SEC14L5: variants seen among roughly 807,000 people sequenced by gnomAD.
The protein encoded by SEC14L5 is SEC14-like protein 5.
In SEC14L5, 96 loss-of-function variants were observed where a neutral mutation model predicts 84.6. The observed-to-expected ratio is 1.13, with a 90% CI of 0.96 to 1.34. The LOEUF is 1.34. SEC14L5 is among the 40% of genes most tolerant of loss of function. SEC14L5 has a pLI of 0.00. For synonymous variants in SEC14L5, 546 were observed against 383.4 expected (o/e 1.42, Z -4.95); for missense variants, 1,224 against 942.5 (o/e 1.30, Z -3.91).
At position 5,008,641 on chromosome 16, in the gene SEC14L5, G is replaced by T. The variant is rs2142531529; in HGVS notation, c.1793G>T (p.Ser598Ile). ...CCCCTTGTCTGCCGGGAGGGGGAGA[G>T]CATCCAGGTTTGCATTTTCTGGACC... ...EAPLVCREGE[S>I]IQGSHVTRWP... The change falls in exon 14 of 16, where the codon AGC becomes ATC. Residue 598 changes from serine to isoleucine, a missense_variant. Coordinates refer to ENST00000251170, the MANE Select transcript of SEC14L5 (RefSeq NM_014692.2). 6.2e-7 allele frequency: 1 copy of T among 1,607,520 alleles called. No individual in the cohort carries two copies. Among genetic ancestry groups the T allele is most frequent in the Non-Finnish European group, 8.5e-7 (1 of 1,178,196 alleles).
rs1342634939 is a variant in SEC14L5 at position 5,007,370 on chromosome 16, G to C, written c.1456G>C (p.Gly486Arg). Residue 486 changes from glycine to arginine, a missense_variant, in exon 13 of 16, where the codon GGG becomes CGG. Coordinates refer to ENST00000251170, the MANE Select transcript of SEC14L5 (RefSeq NM_014692.2). ...GESVCNVPEG[G>R]LVPKSLYMTE... ...CCTGCAGTGTAATGTCCCCGAAGGA[G>C]GGCTGGTCCCCAAGTCCCTCTACAT... 1.9e-6 allele frequency: 3 copies of C among 1,613,768 alleles called. No individual in the cohort carries two copies. The highest frequency in any genetic ancestry group is 2.2e-5 in the East Asian group (1 of 44,876).
intron 3 of SEC14L5, 53 bp downstream of exon 3, chr16:4,987,759 G>T (rs1240343541): frequency 7.4e-7 from 1 of 1,354,296 alleles, no homozygotes; most frequent in African/African-American, 1.5e-5. Context: ...GCGGAGGTGC[G>T]GGAGGGCTGG....
At chr16:5,007,319 C>T (rs1596643388) in intron 12 of SEC14L5, 33 bp from the exon 13 acceptor site, 2 of 1,608,544 alleles carry the variant, frequency 1.2e-6, no homozygotes, top group Non-Finnish European at 1.7e-6. Flanking sequence ...CTCAACTGGC[C>T]CTGACCTGCT....
In SEC14L5 at chr16:5,015,129, G is replaced by T; in HGVS notation, c.*159G>T. The stretch of plus-strand genomic sequence containing the variant: ...GTCTGGAGCGGATGGCAAGGATCCA[G>T]AACTGGCCTGTGGGTGGTGTCAGGG... On this transcript the variant is annotated 3_prime_UTR_variant, in exon 16 of 16. Coordinates refer to ENST00000251170, the MANE Select transcript of SEC14L5 (RefSeq NM_014692.2). 1.6e-6 allele frequency: 1 copy of T among 613,288 alleles called. No homozygotes were observed. Among genetic ancestry groups the T allele is most frequent in the South Asian group, 2.0e-5 (1 of 50,656 alleles). The allele number at this position is 613,288 out of a possible 1,614,324, so 38.0% of individuals were successfully genotyped here.
In SEC14L5 at chr16:5,015,264, G is replaced by A. The variant is rs2142541307; in HGVS notation, c.*294G>A. 5.6e-6 allele frequency: 2 copies of A among 359,712 alleles called. No individual in the cohort carries two copies. The highest frequency in any genetic ancestry group is 4.7e-5 in the East Asian group (1 of 21,360). 22.3% of individuals were successfully genotyped at this position (359,712 alleles called of 1,614,324 possible). On this transcript the variant is annotated 3_prime_UTR_variant, in exon 16 of 16. Transcript: ENST00000251170. ...CACCTTTGGGACATCCGGGCTTAGC[G>A]ACGTCAGCCAGGCCCATCTCCTCTC...
At chr16:5,013,590 A>C (rs1201038961) in intron 15 of SEC14L5, among the ~76,000 whole-genome samples, 148 of 96,962 alleles carry the variant, frequency 1.5e-3, no homozygotes, top group African/African-American at 5.7e-3. Flanking sequence ...ACAGGGTTTC[A>C]CTCTGTCACC....
chr16:4,992,046 C>G lies in SEC14L5; in HGVS notation c.667+16C>G, dbSNP rs1330252392. On this transcript the variant is annotated intron_variant, in intron 6 of 15. Coordinates refer to ENST00000251170, the MANE Select transcript of SEC14L5 (RefSeq NM_014692.2). ...AGTATGGACGGTAGGTGGTACAGCC[C>G]AGGCCAGTCAGCCCTAGGAGGCTGC... The G allele has an allele frequency of 6.6e-7, 1 of 1,519,372 alleles. No homozygotes were observed. The highest frequency in any genetic ancestry group is 8.8e-7 in the Non-Finnish European group (1 of 1,137,904). The allele number at this position is 1,519,372 out of a possible 1,614,324, so 94.1% of individuals were successfully genotyped here.
intron 2 of SEC14L5, among the ~76,000 whole-genome samples, chr16:4,970,862 C>T (rs573140028): frequency 1.3e-5 from 2 of 152,330 alleles, no homozygotes; most frequent in South Asian, 4.1e-4. Context: ...GTAATCCCAG[C>T]ACTTTGGGAG....
intron 13 of SEC14L5, 31 bp downstream of exon 13, chr16:5,007,517 G>T: frequency 6.2e-7 from 1 of 1,606,594 alleles, no homozygotes; most frequent in East Asian, 2.2e-5. Flanking sequence ...AGGGCCCGCT[G>T]AGCTGGAGTG....
chr16:4,960,856 CTT>C (rs1333862808), intron 2 of SEC14L5: 1 of 152,214 alleles, frequency 6.6e-6, no homozygotes, highest in Admixed American at 6.5e-5. Context: ...GCCTGAGTGA[CTT>C]TGCTTCTGCG....
chr16:4,974,561 T>A (rs61327432), intron 2 of SEC14L5, among the ~76,000 whole-genome samples: 3,310 of 151,340 alleles, frequency 0.022, 109 homozygotes, highest in African/African-American at 0.075. Flanking sequence ...TTTAATTTTT[T>A]AAAAAAACAT....
At position 5,005,991 on chromosome 16, in the gene SEC14L5, C is replaced by T. The variant is rs1955727587; in HGVS notation, c.1380C>T (p.Gly460=). Residue 460 remains glycine, a synonymous_variant, in exon 12 of 16, where the codon GGC becomes GGT. Transcript: ENST00000251170. The part of the protein sequence containing the change: ...YSGSNYQGPG[G]LVDYLDREVI... Reference sequence around the variant, plus strand: ...GCAGCAACTACCAGGGACCCGGAGGCCTTGTGGACTATCTGGATAGAGAAG... The same window carrying T: ...GCAGCAACTACCAGGGACCCGGAGGTCTTGTGGACTATCTGGATAGAGAAG... 3 of 1,613,636 alleles carry T rather than the reference C, an allele frequency of 1.9e-6. No homozygotes were observed. The highest frequency in any genetic ancestry group is 1.7e-5 in the Admixed American group (1 of 59,990).
At chr16:4,983,909 TAAATAAA>T (rs1291101131) in intron 2 of SEC14L5, among the ~76,000 whole-genome samples, 2 of 86,708 alleles carry the variant, frequency 2.3e-5, no homozygotes, top group Admixed American at 2.6e-4. Context: ...AATAAATAAA[TAAATAAA>T]TAGTATATGT....
chr16:4,995,063 C>T (rs1955595237), intron 6 of SEC14L5, among the ~76,000 whole-genome samples: 1 of 152,234 alleles, frequency 6.6e-6, no homozygotes, highest in African/African-American at 2.4e-5. Flanking sequence ...TCTCCCACCT[C>T]TGTTTACCTA....
At chr16:5,008,781 G>C in intron 14 of SEC14L5, 133 bp downstream of exon 14, 1 of 753,436 alleles carries the variant, frequency 1.3e-6, no homozygotes, top group Non-Finnish European at 2.2e-6. Flanking sequence ...GCAGGACAGG[G>C]CAGAGGAAAG....
intron 2 of SEC14L5, among the ~76,000 whole-genome samples, chr16:4,968,740 C>G (rs563029450): frequency 3.3e-5 from 5 of 152,210 alleles, no homozygotes; most frequent in Admixed American, 2.0e-4. Context: ...AGCCCAGTAG[C>G]GTCAGGTCAT....
chr16:5,005,729 T>C (rs1489539710), intron 11 of SEC14L5, among the ~76,000 whole-genome samples, 185 bp from the exon 12 acceptor site: 5 of 151,036 alleles, frequency 3.3e-5, no homozygotes, highest in African/African-American at 1.2e-4. Context: ...CCGGGCATGG[T>C]GGTGGGTGCC....
intron 2 of SEC14L5, among the ~76,000 whole-genome samples, chr16:4,973,214 C>G (rs1304933878): frequency 6.6e-6 from 1 of 152,196 alleles, no homozygotes; most frequent in Non-Finnish European, 1.5e-5. Flanking sequence ...GTCTCTGCCC[C>G]TCCCCCACGC....
chr16:4,999,942 A>C (rs1955656735), intron 8 of SEC14L5, among the ~76,000 whole-genome samples: 1 of 151,736 alleles, frequency 6.6e-6, no homozygotes, highest in African/African-American at 2.4e-5. Context: ...CCAACTAACA[A>C]ACCAACAGAC....
Sources: allele counts gnomAD v4.1 joint callset (sites outside exome capture counted in the v4.1 genomes callset), GRCh38; gene constraint gnomAD v4.1.1; transcripts MANE v1.5; gene names NCBI Gene and HGNC (gene_info 2026-07-23, HGNC 2026-07-21).